The following NMNAT3 variants were observed in gnomAD, a reference collection of about 807,000 sequenced individuals.
The protein encoded by NMNAT3 is nicotinamide/nicotinic acid mononucleotide adenylyltransferase 3.
Under a neutral mutation model 24.8 loss-of-function variants are expected in NMNAT3, and 21 were observed. That is an observed-to-expected ratio of 0.85 (90% confidence interval 0.60 to 1.22). The LOEUF (loss-of-function observed/expected upper bound fraction) is 1.22, where lower values mean the gene tolerates loss of function less well. Among genes scored for constraint, NMNAT3 ranks in the 50% most tolerant of loss-of-function variants. The pLI, the probability that NMNAT3 is intolerant of heterozygous loss-of-function variation, is 0.00. For synonymous variants in NMNAT3, 136 were observed against 155.2 expected, an observed-to-expected ratio of 0.88 and a Z score of 0.92; for missense variants, 387 against 436.6, an observed-to-expected ratio of 0.89 and a Z score of 1.01.
intron 3 of NMNAT3, among the ~76,000 whole-genome samples, chr3:139,592,487 C>G (rs553414767): frequency 1.3e-5 from 2 of 152,016 alleles, no homozygotes; most frequent in African/African-American, 4.8e-5. Context: ...AGATACTCCT[C>G]GAGAAGAGCA....
At chr3:139,624,646 A>G (rs2055966261) in intron 3 of NMNAT3, among the ~76,000 whole-genome samples, 1 of 152,168 alleles carries the variant, frequency 6.6e-6, no homozygotes, top group East Asian at 1.9e-4. Context: ...ACGGGGTTTC[A>G]CCATGTTGGC....
chr3:139,641,434 T>C (rs1018757524), intron 1 of NMNAT3, among the ~76,000 whole-genome samples: 7 of 152,190 alleles, frequency 4.6e-5, no homozygotes, highest in African/African-American at 1.7e-4. Flanking sequence ...GCATTTTCTA[T>C]AGTTGGAACA....
At chr3:139,591,052 A>T (rs2054141835) in intron 3 of NMNAT3, among the ~76,000 whole-genome samples, 1 of 151,858 alleles carries the variant, frequency 6.6e-6, no homozygotes, top group Non-Finnish European at 1.5e-5. Flanking sequence ...TTTCCATCTG[A>T]GGTACCGGGT....
chr3:139,561,067 G>T lies in NMNAT3; in HGVS notation c.984C>A (p.Thr328=). 1 of 1,613,994 alleles carries T rather than the reference G, an allele frequency of 6.2e-7. No individual in the cohort carries two copies. The highest frequency in any genetic ancestry group is 8.5e-7 in the Non-Finnish European group (1 of 1,180,004). The change falls in exon 7 of 7, where the codon ACC becomes ACA. Residue 328 remains threonine, a synonymous_variant. Transcript: ENST00000643695. ...TTTTGCCTTTCCAGGTACTGCCCTTGGTGTAGAGGCCATGGTCCTTGATGT... is the reference window on the plus strand; with the variant it reads ...TTTTGCCTTTCCAGGTACTGCCCTTTGTGTAGAGGCCATGGTCCTTGATGT...
At chr3:139,616,820 C>T (rs1402258159) in intron 3 of NMNAT3, among the ~76,000 whole-genome samples, 2 of 152,126 alleles carry the variant, frequency 1.3e-5, no homozygotes, top group Non-Finnish European at 2.9e-5. Flanking sequence ...ATATTCTCAT[C>T]CTCTCACAGC....
At chr3:139,614,420 C>T (rs1419853882) in intron 3 of NMNAT3, among the ~76,000 whole-genome samples, 1 of 152,210 alleles carries the variant, frequency 6.6e-6, no homozygotes, top group East Asian at 1.9e-4. Flanking sequence ...TCATAGAAAC[C>T]TACTGTTGCC....
chr3:139,676,252 A>G (rs2057926436), intron 1 of NMNAT3, among the ~76,000 whole-genome samples: 1 of 152,238 alleles, frequency 6.6e-6, no homozygotes, highest in Admixed American at 6.5e-5. Flanking sequence ...TGTTGTGAAC[A>G]GAGCCAAATA....
chr3:139,616,439 C>G (rs2055506240), intron 3 of NMNAT3, among the ~76,000 whole-genome samples: 1 of 152,178 alleles, frequency 6.6e-6, no homozygotes, highest in Non-Finnish European at 1.5e-5. Context: ...CTCACTCTCT[C>G]TGTGATCTCA....
intron 3 of NMNAT3, among the ~76,000 whole-genome samples, chr3:139,588,088 G>T (rs538420786): frequency 6.6e-6 from 1 of 152,054 alleles, no homozygotes; most frequent in East Asian, 1.9e-4. Context: ...CCCTCCAAAT[G>T]GTCATAAGTC....
chr3:139,576,069 T>C, intron 5 of NMNAT3: 1 of 1,286,906 alleles, frequency 7.8e-7, no homozygotes, highest in Non-Finnish European at 1.0e-6. Flanking sequence ...GAATCCTCAG[T>C]AAGCTCTACA....
intron 3 of NMNAT3, among the ~76,000 whole-genome samples, chr3:139,590,254 C>G (rs975821261): frequency 2.0e-5 from 3 of 151,942 alleles, no homozygotes; most frequent in Admixed American, 6.6e-5. Flanking sequence ...AGGAAAAAAC[C>G]CAAAGTTTAT....
At chr3:139,651,743 C>T (rs558247148) in intron 1 of NMNAT3, among the ~76,000 whole-genome samples, 1 of 152,162 alleles carries the variant, frequency 6.6e-6, no homozygotes, top group Non-Finnish European at 1.5e-5. Flanking sequence ...AGGCTCCGGG[C>T]AAGGGTGCAA....
chr3:139,594,474 C>A (rs1186399277), intron 3 of NMNAT3, among the ~76,000 whole-genome samples: 5 of 152,192 alleles, frequency 3.3e-5, no homozygotes, highest in Non-Finnish European at 7.3e-5. Context: ...AGGCCAGCAT[C>A]ATCCTGATAC....
At chr3:139,615,344 A>G (rs1449596972) in intron 3 of NMNAT3, among the ~76,000 whole-genome samples, 1 of 152,114 alleles carries the variant, frequency 6.6e-6, no homozygotes, top group Admixed American at 6.6e-5. Flanking sequence ...GGGTACAACT[A>G]TTTCTAGGCT....
chr3:139,565,484 G>A (rs913483073), intron 6 of NMNAT3: 2 of 152,002 alleles, frequency 1.3e-5, no homozygotes, highest in Non-Finnish European at 2.9e-5. Context: ...TTAGCATTAG[G>A]TATATCTCCT....
At chr3:139,613,165 A>T (rs1243093391) in intron 3 of NMNAT3, among the ~76,000 whole-genome samples, 3 of 152,358 alleles carry the variant, frequency 2.0e-5, no homozygotes, top group East Asian at 1.9e-4. Flanking sequence ...GCTTCCGCAC[A>T]GCAAAAGAAA....
At chr3:139,676,705 G>A (rs865973233) in intron 1 of NMNAT3, among the ~76,000 whole-genome samples, 7 of 152,152 alleles carry the variant, frequency 4.6e-5, no homozygotes, top group Non-Finnish European at 1.0e-4. Flanking sequence ...TAAAGTGGGC[G>A]CCAGTTAAAT....
rs183765889 is a variant in NMNAT3 at position 139,576,265 on chromosome 3, C to T, written c.576-2585G>A. 746 of 981,466 alleles carry T rather than the reference C, an allele frequency of 7.6e-4. 3 individuals carry two copies. The highest frequency in any genetic ancestry group is 4.3e-3 in the African/African-American group (244 of 57,274). The allele number at this position is 981,466 out of a possible 1,614,324, so 60.8% of individuals were successfully genotyped here. ...AAAAAACTTTGATTTTGATAATTTT[C>T]GGAAAGTGTTAGTAATCAAACACAA... On this transcript the variant is annotated intron_variant, in intron 5 of 6. Transcript: ENST00000643695.
intron 3 of NMNAT3, among the ~76,000 whole-genome samples, chr3:139,604,192 T>C (rs548116803): frequency 5.3e-5 from 8 of 152,266 alleles, no homozygotes; most frequent in African/African-American, 1.7e-4. Flanking sequence ...CTTCAGCTAG[T>C]TGTAAGGGAG....
Sources: allele counts gnomAD v4.1 joint callset (sites outside exome capture counted in the v4.1 genomes callset), GRCh38; gene constraint gnomAD v4.1.1; transcripts MANE v1.5; gene names NCBI Gene and HGNC (gene_info 2026-07-23, HGNC 2026-07-21).